CHPF: variants seen among roughly 807,000 people sequenced by gnomAD.
The protein encoded by CHPF is chondroitin polymerizing factor, non-catalytic subunit.
Under a neutral mutation model 55.1 loss-of-function variants are expected in CHPF, and 34 were observed. That is an observed-to-expected ratio of 0.62 (90% CI 0.47 to 0.82). The LOEUF (loss-of-function observed/expected upper bound fraction) is 0.82. CHPF is among the 40% of genes least tolerant of loss of function. The pLI is 0.00. For synonymous variants in CHPF, 489 were observed against 496.6 expected (o/e 0.98, Z 0.20); for missense variants, 961 against 1,106.1 (o/e 0.87, Z 1.86).
At position 219,539,301 on chromosome 2, in the gene CHPF, C is replaced by T. The variant is rs182397407; in HGVS notation, c.*82G>A. 69 of 1,399,394 alleles carry T rather than the reference C, an allele frequency of 4.9e-5. No individual in the cohort carries two copies. The highest frequency in any genetic ancestry group is 1.4e-4 in the East Asian group (6 of 42,866). The allele number at this position is 1,399,394 out of a possible 1,614,324, so 86.7% of individuals were successfully genotyped here. ...TCTGGCTACGGCCAGCCCTGCCCAG[C>T]GAGGCTGGCAGGTGGCTCTGGTTTT... On this transcript the variant is annotated 3_prime_UTR_variant, in exon 4 of 4. Transcript: ENST00000243776.
intron 3 of CHPF, 65 bp downstream of exon 3, chr2:219,540,881 T>C: frequency 1.3e-6 from 2 of 1,576,196 alleles, no homozygotes; most frequent in Non-Finnish European, 1.7e-6. Flanking sequence ...GTCATTTCTC[T>C]GGGCTCTCTG....
Position 219,540,166 on chromosome 2 carries a change from A to G in CHPF, c.1545T>C (p.Ala515=). The change falls in exon 4 of 4, where the codon GCT becomes GCC. Residue 515 remains alanine (A), a synonymous_variant. Transcript: ENST00000243776. ...CAGGGGCCAGGTCACGCTCAGCCGC[A>G]GCTAGAGGCAGCAGCACAGTGAGAC... The part of the protein sequence containing the change: ...ASRLTVLLPL[A]AAERDLAPGF... The G allele has an allele frequency of 6.2e-7, 1 of 1,607,038 alleles. No homozygotes were observed. The highest frequency in any genetic ancestry group is 8.5e-7 in the Non-Finnish European group (1 of 1,176,964).
At position 219,540,349 on chromosome 2, in the gene CHPF, GC is replaced by G. The variant is rs1248914201; in HGVS notation, c.1361del (p.Arg454ProfsTer19). On this transcript the variant is annotated frameshift_variant, in exon 4 of 4. Transcript: ENST00000243776. LOFTEE classifies it high-confidence loss of function. ...ATTCCATACCCCGGGCCGGATCAAA[GC>G]GTCGGTAGCCATTCACCAGCTGCTG... is the stretch of plus-strand genomic sequence containing the variant. ...QKQQLVNGYRRFDPARGMEYT... is the reference protein window; with the variant it reads ...QKQQLVNGYRXFDPARGMEYT... 1 of 1,613,904 alleles carries G rather than the reference GC, an allele frequency of 6.2e-7. No individual in the cohort carries two copies. The highest frequency in any genetic ancestry group is 8.5e-7 in the Non-Finnish European group (1 of 1,179,996).
At position 219,543,172 on chromosome 2, in the gene CHPF, G is replaced by A. The variant is rs1017526853; in HGVS notation, c.314+53C>T. The A allele has an allele frequency of 3.4e-5, 47 of 1,376,974 alleles. No individual in the cohort carries two copies. The South Asian group carries it at 7.8e-4, about 23-fold the overall frequency. The allele number at this position is 1,376,974 out of a possible 1,614,324, so 85.3% of individuals were successfully genotyped here. A position where few individuals can be genotyped will look rare whatever the true frequency, so the allele number is the denominator to read the frequency against. On this transcript the variant is annotated intron_variant, in intron 1 of 3. Transcript: ENST00000243776. ...TGACCCGGGCCCGGGCGACCTCCCC[G>A]CGCGCTTCCCGGCCGCTGCCCAGGG... is the stretch of plus-strand genomic sequence containing the variant.
In CHPF at chr2:219,543,628, C is replaced by G; in HGVS notation, c.-90G>C. ...GGGCGGGACCGGGGAGGGGGCGGATCCGGAGGGCTCGGGCCCCGCGGGCGG... is the reference window on the plus strand; with the variant it reads ...GGGCGGGACCGGGGAGGGGGCGGATGCGGAGGGCTCGGGCCCCGCGGGCGG... On this transcript the variant is annotated 5_prime_UTR_variant, in exon 1 of 4. Transcript: ENST00000243776. The G allele has an allele frequency of 2.8e-6, 3 of 1,069,294 alleles. No individual in the cohort carries two copies. Among genetic ancestry groups the G allele is most frequent in the Non-Finnish European group, 3.6e-6 (3 of 822,162 alleles). 66.2% of individuals were successfully genotyped at this position (1,069,294 alleles called of 1,614,324 possible).
intron 1 of CHPF, 85 bp downstream of exon 1, chr2:219,543,140 C>G: frequency 7.3e-7 from 1 of 1,372,684 alleles, no homozygotes; most frequent in Non-Finnish European, 9.3e-7. Context: ...CCCTTCCTTC[C>G]GGAGCCTGAC....
rs1329156345 is a variant in CHPF at position 219,543,128 on chromosome 2, GC to G, written c.314+96del. ...GGCCCAAAGACTTCCTGGCTCGCCAGCCCCTTCCTTCCGGAGCCTGACCCGG... is the reference window on the plus strand; with the variant it reads ...GGCCCAAAGACTTCCTGGCTCGCCAGCCCTTCCTTCCGGAGCCTGACCCGG... On this transcript the variant is annotated intron_variant, in intron 1 of 3. Coordinates refer to ENST00000243776, the MANE Select transcript of CHPF (RefSeq NM_024536.6). 8.0e-6 allele frequency: 11 copies of G among 1,370,910 alleles called. No individual in the cohort carries two copies. The East Asian group carries it at 1.8e-4, about 23-fold the overall frequency. The allele number at this position is 1,370,910 out of a possible 1,614,324, so 84.9% of individuals were successfully genotyped here. A position where few individuals can be genotyped will look rare whatever the true frequency, so the allele number is the denominator to read the frequency against.
chr2:219,542,014 C>T lies in CHPF; in HGVS notation c.490G>A (p.Ala164Thr), dbSNP rs1695281083. The change falls in exon 2 of 4, where the codon GCA becomes ACA. Residue 164 changes from alanine (A) to threonine (T), a missense_variant. Physicochemically the swap from Ala to Thr is moderately conservative, Grantham distance 58 (BLOSUM62 0). Around this residue, in one of 3 missense-constraint regions of CHPF, gnomAD observed 936 missense variants for 1,058.4 expected, o/e 0.88. Coordinates refer to ENST00000243776, the MANE Select transcript of CHPF (RefSeq NM_024536.6). ...CGCTCCTCGCCTAGCGTCACCACTG[C>T]CATGCCAGGTGGGGCCCGGCGGCCC... Reference protein sequence around the residue: ...ARGRRAPPGMAVVTLGEERPI... With the variant: ...ARGRRAPPGMTVVTLGEERPI... The T allele has an allele frequency of 1.2e-6, 2 of 1,600,368 alleles. No individual in the cohort carries two copies. The highest frequency in any genetic ancestry group is 8.5e-7 in the Non-Finnish European group (1 of 1,175,244).
Position 219,541,035 on chromosome 2 carries a change from C to T in CHPF, c.979G>A (p.Val327Met). 6.2e-7 allele frequency: 1 copy of T among 1,613,938 alleles called. No individual in the cohort carries two copies. The highest frequency in any genetic ancestry group is 8.5e-7 in the Non-Finnish European group (1 of 1,179,928). Residue 327 changes from valine (V) to methionine (M), a missense_variant, in exon 3 of 4, where the codon GTG (valine) becomes ATG (methionine). Physicochemically the swap from Val to Met is conservative, Grantham distance 21. Around this residue, in one of 3 missense-constraint regions of CHPF, gnomAD observed 936 missense variants for 1,058.4 expected, o/e 0.88. Transcript: ENST00000243776. ...TGGTACATGTGCACAGGGTCACGCACAGGGTGGGCTGTCAGGGCACTTCGG... is the reference window on the plus strand; with the variant it reads ...TGGTACATGTGCACAGGGTCACGCATAGGGTGGGCTGTCAGGGCACTTCGG... ...HFRSALTAHP[V>M]RDPVHMYQLH...
In CHPF at chr2:219,541,121, A is replaced by T. The variant is rs1324457813; in HGVS notation, c.893T>A (p.Val298Glu). The T allele has an allele frequency of 6.3e-7, 1 of 1,597,160 alleles. No homozygotes were observed. The highest frequency in any genetic ancestry group is 8.5e-7 in the Non-Finnish European group (1 of 1,172,934). ...GCTCAGCTCCAGATGGCTATAGTGC[A>T]CCCCCTGGGGAGAGGAAGGGAAGGG... ...GVGCTGDHEG[V>E]HYSHLELSPG... Residue 298 changes from valine to glutamate, a missense_variant, in exon 3 of 4, where the codon GTG (valine) becomes GAG (glutamate). Val to Glu is a moderately radical substitution (Grantham distance 121). This residue lies in a region of CHPF where 936 missense variants were observed against 1,058.4 expected (regional missense o/e 0.88). Transcript: ENST00000243776.
chr2:219,542,945 G>A, intron 1 of CHPF: 1 of 1,257,816 alleles, frequency 8.0e-7, no homozygotes, highest in East Asian at 3.3e-5. Flanking sequence ...AACACCAGCA[G>A]CCCAGCCAGG....
Position 219,542,198 on chromosome 2 carries a change from G to A in CHPF, c.315-9C>T. The stretch of plus-strand genomic sequence containing the variant: ...TGCTGATGTAGCGGGTCCTAGGGGA[G>A]GAGATGGCACAAGCTTATCAAAAGG... On this transcript the variant is annotated splice_polypyrimidine_tract_variant and intron_variant, in intron 1 of 3. Coordinates refer to ENST00000243776, the MANE Select transcript of CHPF (RefSeq NM_024536.6). 4.7e-6 allele frequency: 5 copies of A among 1,066,986 alleles called. No individual in the cohort carries two copies. Among genetic ancestry groups the A allele is most frequent in the Non-Finnish European group, 5.9e-6 (5 of 851,974 alleles). The allele number at this position is 1,066,986 out of a possible 1,614,324, so 66.1% of individuals were successfully genotyped here.
chr2:219,541,136 G>C lies in CHPF; in HGVS notation c.889-11C>G, dbSNP rs767131031. 1 of 1,573,718 alleles carries C rather than the reference G, an allele frequency of 6.4e-7. No individual in the cohort carries two copies. Reference sequence around the variant, plus strand: ...GCTATAGTGCACCCCCTGGGGAGAGGAAGGGAAGGGATCTGTGATGAGCTG... The same window carrying C: ...GCTATAGTGCACCCCCTGGGGAGAGCAAGGGAAGGGATCTGTGATGAGCTG... On this transcript the variant is annotated splice_polypyrimidine_tract_variant and intron_variant, in intron 2 of 3. Coordinates refer to ENST00000243776, the MANE Select transcript of CHPF (RefSeq NM_024536.6).
chr2:219,543,058 T>G, intron 1 of CHPF, 167 bp downstream of exon 1: 1 of 1,360,132 alleles, frequency 7.4e-7, no homozygotes, highest in Non-Finnish European at 9.4e-7. Flanking sequence ...AGTCTCGGAC[T>G]GGCCCCACGG....
Position 219,543,690 on chromosome 2 carries a change from G to A in CHPF, c.-152C>T, listed in dbSNP as rs1056142781. The A allele has an allele frequency of 2.2e-5, 11 of 497,006 alleles. No homozygotes were observed. The highest frequency in any genetic ancestry group is 6.1e-5 in the South Asian group (1 of 16,450). The allele number at this position is 497,006 out of a possible 1,614,324, so 30.8% of individuals were successfully genotyped here. A position where few individuals can be genotyped will look rare whatever the true frequency, so the allele number is the denominator to read the frequency against. ...CCCCGCAGAGCAGAGCCAGCGGCCC[G>A]AGCCGAATCCCCGGAGCCGCGCCTC... On this transcript the variant is annotated 5_prime_UTR_variant, in exon 1 of 4. Coordinates refer to ENST00000243776, the MANE Select transcript of CHPF (RefSeq NM_024536.6).
rs754703207 is a variant in CHPF, at chr2:219,540,091, C to T, written c.1620G>A (p.Ala540=). Residue 540 remains alanine, a synonymous_variant, in exon 4 of 4, where the codon GCG becomes GCA. Coordinates refer to ENST00000243776, the MANE Select transcript of CHPF (RefSeq NM_024536.6). ...ATAALEPGDA[A]AALTLLLLYE... is the part of the protein sequence containing the mutation. The stretch of plus-strand genomic sequence containing the variant: ...ACAGTAGCAGCAGGGTCAGGGCTGC[C>T]GCAGCATCACCAGGCTCCAGTGCTG... 33 of 1,605,460 alleles carry T rather than the reference C, an allele frequency of 2.1e-5. No homozygotes were observed. Among genetic ancestry groups the T allele is most frequent in the South Asian group, 4.4e-5 (4 of 90,042 alleles).
rs779980287 is a variant in CHPF, at chr2:219,539,969, C to T, written c.1742G>A (p.Arg581Gln). Residue 581 changes from arginine to glutamine, a missense_variant, in exon 4 of 4, where the codon CGG becomes CAG. Arg to Gln is a conservative substitution (Grantham distance 43). Coordinates refer to ENST00000243776, the MANE Select transcript of CHPF (RefSeq NM_024536.6). ...AELERRFPGA[R>Q]VPWLSVQTAA... ...TGTCTGCACACTGAGCCATGGCACC[C>T]GGGCACCGGGGAAACGCCGCTCCAG... The T allele has an allele frequency of 3.3e-5, 53 of 1,613,636 alleles. No individual in the cohort carries two copies. Among genetic ancestry groups the T allele is most frequent in the South Asian group, 1.8e-4 (16 of 91,088 alleles).
rs935533137 is a variant in CHPF at position 219,543,700 on chromosome 2, C to A, written c.-162G>T. On this transcript the variant is annotated 5_prime_UTR_variant, in exon 1 of 4. Transcript: ENST00000243776. Reference sequence around the variant, plus strand: ...CAGAGCCAGCGGCCCGAGCCGAATCCCCGGAGCCGCGCCTCGATTCCCCTC... The same window carrying A: ...CAGAGCCAGCGGCCCGAGCCGAATCACCGGAGCCGCGCCTCGATTCCCCTC... 1 of 469,510 alleles carries A rather than the reference C, an allele frequency of 2.1e-6. No individual in the cohort carries two copies. The highest frequency in any genetic ancestry group is 2.0e-5 in the African/African-American group (1 of 48,856). The allele number at this position is 469,510 out of a possible 1,614,324, so 29.1% of individuals were successfully genotyped here. A position where few individuals can be genotyped will look rare whatever the true frequency, so the allele number is the denominator to read the frequency against.
In CHPF at chr2:219,541,114, A is replaced by G. The variant is rs1365464460; in HGVS notation, c.900T>C (p.Tyr300=). 1.2e-6 allele frequency: 2 copies of G among 1,604,134 alleles called. No individual in the cohort carries two copies. The highest frequency in any genetic ancestry group is 1.7e-6 in the Non-Finnish European group (2 of 1,176,150). The change falls in exon 3 of 4, where the codon TAT becomes TAC. Residue 300 remains tyrosine (Y), a synonymous_variant. Coordinates refer to ENST00000243776, the MANE Select transcript of CHPF (RefSeq NM_024536.6). The part of the protein sequence containing the change: ...GCTGDHEGVH[Y]SHLELSPGEP... The stretch of plus-strand genomic sequence containing the variant: ...CCCCAGGGCTCAGCTCCAGATGGCT[A>G]TAGTGCACCCCCTGGGGAGAGGAAG...
Sources: gnomAD v4.1 joint callset for allele counts on GRCh38, gnomAD v4.1.1 for gene constraint, gnomAD v4.1.1 regional missense constraint, MANE v1.5 for transcripts, NCBI Gene and HGNC (gene_info 2026-07-23, HGNC 2026-07-21) for gene names.